Variants in SLC9A5 observed in about 807,000 individuals in gnomAD.
The protein encoded by SLC9A5 is sodium/hydrogen exchanger 5.
A neutral mutation model predicts 91.7 loss-of-function variants in SLC9A5; 52 were observed. The ratio of observed to expected loss-of-function variants is 0.57; its 90% confidence interval spans 0.45 to 0.71. The LOEUF (loss-of-function observed/expected upper bound fraction) is 0.71, where lower values mean the gene tolerates loss of function less well. Ranked by LOEUF, SLC9A5 falls within the 30% of genes least tolerant of loss-of-function variation. SLC9A5 has a pLI of 0.00. For missense variants in SLC9A5, 871 were observed against 1,158.9 expected (o/e 0.75, Z 3.61); for synonymous variants, 419 against 474.5 (o/e 0.88, Z 1.52).
At chr16:67,264,264 G>A (rs2035624902) in intron 12 of SLC9A5, 88 bp from the exon 13 acceptor site, 2 of 1,183,566 alleles carry the variant, frequency 1.7e-6, no homozygotes, top group Non-Finnish European at 2.5e-6. Context: ...GGCAGGTCCT[G>A]TGGTGAATAT....
chr16:67,259,625 G>T lies in SLC9A5; in HGVS notation c.1679G>T (p.Arg560Leu). The T allele has an allele frequency of 6.2e-7, 1 of 1,614,096 alleles. No individual in the cohort carries two copies. The highest frequency in any genetic ancestry group is 1.6e-4 in the Middle Eastern group (1 of 6,062). ...TGLTLPSMPS[R>L]NSVAETSVTN... ...CTCACTCTGCCTTCTATGCCCAGCC[G>T]CAATTCTGTGGCAGAAACTTCTGTC... The change falls in exon 11 of 16, where the codon CGC (arginine) becomes CTC (leucine). Residue 560 changes from arginine (R) to leucine (L), a missense_variant. Around this residue, in one of 3 missense-constraint regions of SLC9A5, gnomAD observed 454 missense variants for 718.3 expected, o/e 0.63. Transcript: ENST00000299798.
In SLC9A5 at chr16:67,252,958, C is replaced by T. The variant is rs1567406569; in HGVS notation, c.490+114C>T. 1 of 998,808 alleles carries T rather than the reference C, an allele frequency of 1.0e-6. No homozygotes were observed. Among genetic ancestry groups the T allele is most frequent in the Non-Finnish European group, 1.4e-6 (1 of 693,882 alleles). The allele number at this position is 998,808 out of a possible 1,614,324, so 61.9% of individuals were successfully genotyped here. A position where few individuals can be genotyped will look rare whatever the true frequency, so the allele number is the denominator to read the frequency against. ...TGCCCTGAAAGCTCCATCCTAGGTCCCTCCCTCTGGAGTGCAAGGCAGTGC... is the reference window on the plus strand; with the variant it reads ...TGCCCTGAAAGCTCCATCCTAGGTCTCTCCCTCTGGAGTGCAAGGCAGTGC... On this transcript the variant is annotated intron_variant, in intron 2 of 15. Transcript: ENST00000299798. The surrounding 1 kb of genome is among the most constrained non-coding windows in gnomAD (Gnocchi z 4.0).
intron 1 of SLC9A5, among the ~76,000 whole-genome samples, chr16:67,249,957 C>A (rs1394554323): frequency 2.0e-5 from 3 of 152,212 alleles, no homozygotes; most frequent in African/African-American, 7.2e-5. Context: ...CCTTCCTCCT[C>A]CCTTCTGAGC....
intron 14 of SLC9A5, among the ~76,000 whole-genome samples, chr16:67,265,850 A>G (rs1304692548): frequency 1.3e-5 from 2 of 152,150 alleles, no homozygotes; most frequent in Non-Finnish European, 2.9e-5. Context: ...TGTGGTCCTC[A>G]TGACTTCCTC....
intron 1 of SLC9A5, among the ~76,000 whole-genome samples, chr16:67,249,955 C>T (rs934313358): frequency 1.3e-5 from 2 of 152,234 alleles, no homozygotes; most frequent in Admixed American, 6.5e-5. Context: ...CTCCTTCCTC[C>T]TCCCTTCTGA....
chr16:67,267,091 T>G (rs1282559285), intron 15 of SLC9A5, among the ~76,000 whole-genome samples: 10 of 145,794 alleles, frequency 6.9e-5, no homozygotes, highest in African/African-American at 1.8e-4. Flanking sequence ...GTTTTTTTTT[T>G]TTTTTTTTTT....
At chr16:67,259,782 G>T in intron 11 of SLC9A5, 38 bp from the exon 12 acceptor site, 2 of 1,608,624 alleles carry the variant, frequency 1.2e-6, no homozygotes, top group South Asian at 2.2e-5. Flanking sequence ...ACTGCCTCCT[G>T]CCCCCTCTCC....
Position 67,271,155 on chromosome 16 carries a change from C to T in SLC9A5, c.2636C>T (p.Pro879Leu). The T allele has an allele frequency of 6.2e-7, 1 of 1,613,274 alleles. No homozygotes were observed. Among genetic ancestry groups the T allele is most frequent in the Non-Finnish European group, 8.5e-7 (1 of 1,180,036 alleles). ...CACAAGGACCACACCCATCTCAGCC[C>T]AGGCACCGCTACCTCCCACTGGTGC... ...MGHKDHTHLS[P>L]GTATSHWCIQ... The change falls in exon 16 of 16, where the codon CCA (proline) becomes CTA (leucine). Residue 879 changes from proline (P) to leucine (L), a missense_variant. Physicochemically the swap from Pro to Leu is moderately conservative, Grantham distance 98. Transcript: ENST00000299798.
Position 67,256,894 on chromosome 16 carries a change from C to G in SLC9A5, c.1133-17C>G. The G allele has an allele frequency of 1.9e-6, 3 of 1,612,082 alleles. No individual in the cohort carries two copies. The highest frequency in any genetic ancestry group is 2.5e-6 in the Non-Finnish European group (3 of 1,179,194). ...ACTCCCAACGCTTTGCTCCCACTGG[C>G]CTCCCTCCCGCTGTAGGCGTAGTCC... is the stretch of plus-strand genomic sequence containing the variant. On this transcript the variant is annotated splice_polypyrimidine_tract_variant and intron_variant, in intron 6 of 15. Transcript: ENST00000299798. The surrounding 1 kb of genome is among the most constrained non-coding windows in gnomAD (Gnocchi z 4.1).
chr16:67,255,435 G>A lies in SLC9A5; in HGVS notation c.697G>A (p.Ala233Thr), dbSNP rs1476330913. The change falls in exon 4 of 16, where the codon GCC becomes ACC. Residue 233 changes from alanine to threonine, a missense_variant. Coordinates refer to ENST00000299798, the MANE Select transcript of SLC9A5 (RefSeq NM_004594.3). This position sits in a 1 kb window ranked among gnomAD's most constrained non-coding sequence, Gnocchi z 4.9. ...VCNSFVEMGS[A>T]NVQATDYLKG... ...CAACTCCTTTGTGGAGATGGGCTCT[G>A]CCAATGTGCAGGCCACTGACTACCT... 3 of 1,614,114 alleles carry A rather than the reference G, an allele frequency of 1.9e-6. No individual in the cohort carries two copies. The Admixed American group carries it at 5.0e-5, about 27-fold the overall frequency.
chr16:67,256,855 G>A lies in SLC9A5; in HGVS notation c.1133-56G>A, dbSNP rs901248090. 3.2e-6 allele frequency: 5 copies of A among 1,565,104 alleles called. No homozygotes were observed. Among genetic ancestry groups the A allele is most frequent in the Non-Finnish European group, 4.4e-6 (5 of 1,140,362 alleles). ...CAGCCCAGATACTTGGTCCCATCCG[G>A]TCCCACGTCCTCCACTCCCAACGCT... On this transcript the variant is annotated intron_variant, in intron 6 of 15. Transcript: ENST00000299798. The surrounding 1 kb of genome is among the most constrained non-coding windows in gnomAD (Gnocchi z 4.1).
chr16:67,254,969 G>T (rs2035255690), intron 2 of SLC9A5, 52 bp from the exon 3 acceptor site: 1 of 1,567,726 alleles, frequency 6.4e-7, no homozygotes, highest in East Asian at 2.3e-5. Context: ...CGTGCTCCAG[G>T]AGACTGGGTC....
chr16:67,268,745 C>T (rs116541728), intron 15 of SLC9A5, among the ~76,000 whole-genome samples: 3,419 of 117,220 alleles, frequency 0.029, 115 homozygotes, highest in South Asian at 0.071. Context: ...TCCCTTTTAA[C>T]CTATAGCAGT....
rs758329220 is a variant in SLC9A5, at chr16:67,249,168, C to T, written c.154C>T (p.Leu52=). 1 of 1,558,612 alleles carries T rather than the reference C, an allele frequency of 6.4e-7. No homozygotes were observed. The highest frequency in any genetic ancestry group is 1.2e-5 in the South Asian group (1 of 85,226). ...HEVEAPYLVA[L]WILVASLAKI... is the part of the protein sequence containing the mutation. The stretch of plus-strand genomic sequence containing the variant: ...GGTGGAGGCGCCCTACCTGGTGGCC[C>T]TGTGGATCCTGGTGGCCAGTCTGGC... The change falls in exon 1 of 16, where the codon CTG becomes TTG. Residue 52 remains leucine, a synonymous_variant. Transcript: ENST00000299798.
chr16:67,270,545 G>A lies in SLC9A5; in HGVS notation c.2219-193G>A, dbSNP rs148314066. Among the ~76,000 whole-genome samples the A allele has an allele frequency of 5.6e-4, 85 of 152,270 alleles. No homozygotes were observed. In the East Asian group the frequency reaches 0.014, roughly 24 times the overall value. Reference sequence around the variant, plus strand: ...TTTCTTGAGCAACTACTGTGTGCCCGGCCCTGTGCTAGGTGTTGGGGATAG... The same window carrying A: ...TTTCTTGAGCAACTACTGTGTGCCCAGCCCTGTGCTAGGTGTTGGGGATAG... On this transcript the variant is annotated intron_variant, in intron 15 of 15. Coordinates refer to ENST00000299798, the MANE Select transcript of SLC9A5 (RefSeq NM_004594.3). The surrounding 1 kb of genome is among the most constrained non-coding windows in gnomAD (Gnocchi z 4.3).
In SLC9A5 at chr16:67,256,387, C is replaced by A. The variant is rs998297083; in HGVS notation, c.912-82C>A. On this transcript the variant is annotated intron_variant, in intron 5 of 15. Coordinates refer to ENST00000299798, the MANE Select transcript of SLC9A5 (RefSeq NM_004594.3). This position sits in a 1 kb window ranked among gnomAD's most constrained non-coding sequence, Gnocchi z 4.1. ...TGACATCCTGTAATGGGCAATGCCC[C>A]CTCCTGCAGTATGCTCAAACCCTGG... The A allele has an allele frequency of 2.2e-5, 21 of 939,604 alleles. No individual in the cohort carries two copies. Among genetic ancestry groups the A allele is most frequent in the African/African-American group, 4.8e-5 (3 of 62,224 alleles). 58.2% of individuals were successfully genotyped at this position (939,604 alleles called of 1,614,324 possible). A position where few individuals can be genotyped will look rare whatever the true frequency, so the allele number is the denominator to read the frequency against.
At chr16:67,262,468 A>G (rs774575904) in intron 12 of SLC9A5, 1 of 318,272 alleles carries the variant, frequency 3.1e-6, no homozygotes, top group South Asian at 2.6e-5. Flanking sequence ...AGCAATCTGT[A>G]TCAGGTTTTG....
chr16:67,261,066 G>A (rs973256131), intron 12 of SLC9A5: 2 of 152,208 alleles, frequency 1.3e-5, no homozygotes, highest in Non-Finnish European at 2.9e-5. Flanking sequence ...CTTGCCCTCA[G>A]GCCAGAATCT....
rs914162856 is a variant in SLC9A5, at chr16:67,259,669, C to T, written c.1715+8C>T. ...TTCTGTCACCAACCTGCTGTGAGTC[C>T]TTGAGCCCCTTCCCCTTCCTCATAC... On this transcript the variant is annotated splice_region_variant and intron_variant, in intron 11 of 15. Coordinates refer to ENST00000299798, the MANE Select transcript of SLC9A5 (RefSeq NM_004594.3). 1.2e-6 allele frequency: 2 copies of T among 1,613,230 alleles called. No individual in the cohort carries two copies. The highest frequency in any genetic ancestry group is 1.7e-6 in the Non-Finnish European group (2 of 1,179,230).
Sources: allele counts gnomAD v4.1 joint callset (sites outside exome capture counted in the v4.1 genomes callset), GRCh38; gene constraint gnomAD v4.1.1; regional missense constraint gnomAD v4.1.1; non-coding constraint Gnocchi (gnomAD v3.1); transcripts MANE v1.5; gene names NCBI Gene and HGNC (gene_info 2026-07-23, HGNC 2026-07-21).